Variants in SPAG16 observed in about 807,000 individuals in gnomAD.
The protein encoded by SPAG16 is sperm-associated antigen 16 protein.
SPAG16 carries 86 observed loss-of-function variants against 80.4 expected under a neutral mutation model. That is an observed-to-expected ratio of 1.07 (90% CI 0.90 to 1.28). The LOEUF (loss-of-function observed/expected upper bound fraction) is 1.28, where lower values mean the gene tolerates loss of function less well. Among genes scored for constraint, SPAG16 ranks in the 50% most tolerant of loss-of-function variants. SPAG16 has a pLI of 0.00. For missense variants in SPAG16, 870 were observed against 765.3 expected (o/e 1.14, Z -1.61); for synonymous variants, 294 against 265.9 (o/e 1.11, Z -1.03).
chr2:213,488,762 G>T (rs947586488), intron 9 of SPAG16, among the ~76,000 whole-genome samples: 1 of 152,034 alleles, frequency 6.6e-6, no homozygotes, highest in Non-Finnish European at 1.5e-5. Flanking sequence ...ATACGAATAT[G>T]TACTACTTTG....
chr2:213,584,992 C>G (rs2060418656), intron 10 of SPAG16, among the ~76,000 whole-genome samples: 1 of 151,894 alleles, frequency 6.6e-6, no homozygotes, highest in Admixed American at 6.6e-5. Flanking sequence ...AGTTCAAGAT[C>G]AGCCTGGCCA....
intron 15 of SPAG16, among the ~76,000 whole-genome samples, chr2:214,279,152 A>G (rs943576282): frequency 2.0e-5 from 3 of 147,670 alleles, no homozygotes; most frequent in East Asian, 4.0e-4. Context: ...GTTGGAGTGC[A>G]GTGGCACGAT....
intron 10 of SPAG16, among the ~76,000 whole-genome samples, chr2:213,647,808 A>G (rs1004988138): frequency 2.6e-5 from 4 of 152,180 alleles, no homozygotes; most frequent in Non-Finnish European, 4.4e-5. Flanking sequence ...GTCTTCTCTG[A>G]AGGGTGCAAG....
intron 10 of SPAG16, among the ~76,000 whole-genome samples, chr2:213,810,894 A>G (rs188034440): frequency 2.0e-5 from 3 of 152,310 alleles, no homozygotes; most frequent in African/African-American, 7.2e-5. Flanking sequence ...TGTTTTGCAG[A>G]AAGACCATTC....
rs200198415 is a variant in SPAG16 at position 213,490,058 on chromosome 2, C to G, written c.1038C>G (p.Asn346Lys). 3.1e-6 allele frequency: 5 copies of G among 1,604,124 alleles called. No individual in the cohort carries two copies. The highest frequency in any genetic ancestry group is 4.3e-6 in the Non-Finnish European group (5 of 1,175,522). Reference protein sequence around the residue: ...SPAKFDYKLKNIFRLHELPVS... With the variant: ...SPAKFDYKLKKIFRLHELPVS... ...CAAAATTTGACTACAAGCTGAAAAA[C>G]ATTTTTAGACTCCATGAACTTCCAG... Residue 346 changes from asparagine to lysine, a missense_variant, in exon 10 of 16, where the codon AAC becomes AAG. Transcript: ENST00000331683.
intron 15 of SPAG16, among the ~76,000 whole-genome samples, chr2:214,334,476 T>G (rs1235548730): frequency 6.6e-6 from 1 of 152,202 alleles, no homozygotes; most frequent in Non-Finnish European, 1.5e-5. Flanking sequence ...GAATTTGGCA[T>G]AGCAAATTTT....
chr2:213,505,864 C>G (rs752326669), intron 10 of SPAG16, among the ~76,000 whole-genome samples: 22 of 151,944 alleles, frequency 1.4e-4, no homozygotes, highest in Non-Finnish European at 2.8e-4. Flanking sequence ...GACCTTGTGA[C>G]TATCCTTCTG....
At chr2:214,385,253 A>G (rs888688935) in intron 15 of SPAG16, among the ~76,000 whole-genome samples, 4 of 151,574 alleles carry the variant, frequency 2.6e-5, no homozygotes, top group African/African-American at 9.8e-5. Context: ...CATTTGTAAA[A>G]TGGGGTGAAA....
At chr2:213,388,243 A>G (rs2067555160) in intron 9 of SPAG16, among the ~76,000 whole-genome samples, 1 of 152,132 alleles carries the variant, frequency 6.6e-6, no homozygotes, top group South Asian at 2.1e-4. Flanking sequence ...ATCTCTAACT[A>G]CTGCTTTTTA....
At chr2:213,961,706 A>G (rs2044436799) in intron 12 of SPAG16, among the ~76,000 whole-genome samples, 1 of 151,990 alleles carries the variant, frequency 6.6e-6, no homozygotes, top group Non-Finnish European at 1.5e-5. Context: ...TTATTAACAC[A>G]TCCTTGCATT....
chr2:214,302,705 A>G (rs1157498126), intron 15 of SPAG16, among the ~76,000 whole-genome samples: 2 of 150,996 alleles, frequency 1.3e-5, no homozygotes, highest in Non-Finnish European at 3.0e-5. Flanking sequence ...CTGGACTTGA[A>G]CTCCTGACCT....
chr2:214,126,220 T>G (rs1216079749), intron 14 of SPAG16, among the ~76,000 whole-genome samples: 1 of 151,254 alleles, frequency 6.6e-6, no homozygotes, highest in African/African-American at 2.4e-5. Context: ...GGATTGAGCT[T>G]CCTAGGTTTT....
At position 214,097,935 on chromosome 2, in the gene SPAG16, T is replaced by C. The variant is rs144612650; in HGVS notation, c.1528-10261T>C. 2.9e-3 allele frequency among the ~76,000 whole-genome samples: 443 copies of C among 152,180 alleles called. 7 individuals are homozygous for C. Among genetic ancestry groups the C allele is most frequent in the African/African-American group, 0.01 (425 of 41,540 alleles). ...TGGCACTATCATGTAGATACTATAT[T>C]ATTTCTATTTTACAGATGAGAAAAC... On this transcript the variant is annotated intron_variant, in intron 13 of 15. Coordinates refer to ENST00000331683, the MANE Select transcript of SPAG16 (RefSeq NM_024532.5).
intron 15 of SPAG16, among the ~76,000 whole-genome samples, chr2:214,198,213 C>T (rs752626266): frequency 6.6e-6 from 1 of 151,872 alleles, no homozygotes. Flanking sequence ...GTACCCTGGA[C>T]CCTATATGTA....
chr2:213,357,745 A>G (rs2065743098), intron 7 of SPAG16, among the ~76,000 whole-genome samples: 2 of 152,178 alleles, frequency 1.3e-5, no homozygotes, highest in African/African-American at 2.4e-5. Flanking sequence ...TGGGGCATTT[A>G]GCCCATTTAC....
In SPAG16 at chr2:213,492,281, T is replaced by C. The variant is rs149048752; in HGVS notation, c.1070+2191T>C. On this transcript the variant is annotated intron_variant, in intron 10 of 15. Transcript: ENST00000331683. ...TAATTTTAAAACCAGTGGCCGGGTG[T>C]GGTGGCTCACGCCTGTAATCCCAGC... Among the ~76,000 whole-genome samples, 96 of 152,288 alleles carry C rather than the reference T, an allele frequency of 6.3e-4. 1 individual carries two copies. The highest frequency in any genetic ancestry group is 7.7e-4 in the East Asian group (4 of 5,174).
chr2:214,054,813 GT>G (rs2049849668), intron 13 of SPAG16, among the ~76,000 whole-genome samples: 1 of 152,124 alleles, frequency 6.6e-6, no homozygotes, highest in Non-Finnish European at 1.5e-5. Context: ...CAATGTTGCA[GT>G]TTTAATTACA....
At chr2:213,401,582 TG>T (rs1227214940) in intron 9 of SPAG16, among the ~76,000 whole-genome samples, 4 of 152,360 alleles carry the variant, frequency 2.6e-5, no homozygotes. Context: ...TGTTAGTATT[TG>T]CCTGGTACAT....
intron 10 of SPAG16, among the ~76,000 whole-genome samples, chr2:213,643,685 C>T (rs1411348443): frequency 6.0e-5 from 9 of 149,218 alleles, no homozygotes; most frequent in African/African-American, 2.2e-4. Context: ...CCTGTAGGCG[C>T]CCTTCATTAT....
Sources: gnomAD v4.1 joint callset for allele counts (sites outside exome capture counted in the v4.1 genomes callset) on GRCh38, gnomAD v4.1.1 for gene constraint, MANE v1.5 for transcripts, NCBI Gene and HGNC (gene_info 2026-07-23, HGNC 2026-07-21) for gene names.